Variants in AGBL1 observed in about 807,000 individuals in gnomAD.
AGBL1 encodes cytosolic carboxypeptidase 4.
Under a neutral mutation model 118.9 loss-of-function variants are expected in AGBL1, and 130 were observed. The observed-to-expected ratio is 1.09, with a 90% CI of 0.95 to 1.26. AGBL1 has a LOEUF of 1.26. Among genes scored for constraint, AGBL1 ranks in the 50% most tolerant of loss-of-function variants. The pLI is 0.00. For missense variants in AGBL1, 1,584 were observed against 1,298.1 expected (o/e 1.22, Z -3.38); for synonymous variants, 555 against 478.9 (o/e 1.16, Z -2.08).
At chr15:86,113,201 T>A (rs1445113308) in intron 1 of AGBL1, among the ~76,000 whole-genome samples, 1 of 146,438 alleles carries the variant, frequency 6.8e-6, no homozygotes, top group Non-Finnish European at 1.5e-5. Context: ...CCTCTTTATT[T>A]TTTCTTTTTC....
chr15:86,681,739 A>G (rs1360163092), intron 22 of AGBL1, among the ~76,000 whole-genome samples: 1 of 152,168 alleles, frequency 6.6e-6, no homozygotes. Flanking sequence ...TTTAATAGAA[A>G]GTAACGTGAT....
intron 18 of AGBL1, among the ~76,000 whole-genome samples, chr15:86,493,190 C>T (rs2082805765): frequency 6.6e-6 from 1 of 151,486 alleles, no homozygotes; most frequent in Non-Finnish European, 1.5e-5. Flanking sequence ...GAGACTCTGC[C>T]TCAGAAACAA....
intron 17 of AGBL1, among the ~76,000 whole-genome samples, chr15:86,349,287 C>G (rs2080587968): frequency 1.3e-5 from 2 of 152,166 alleles, no homozygotes; most frequent in African/African-American, 4.8e-5. Context: ...AATTAATACG[C>G]TGGGAATGGT....
intron 17 of AGBL1, among the ~76,000 whole-genome samples, chr15:86,322,311 A>G (rs886224075): frequency 2.6e-5 from 4 of 151,460 alleles, no homozygotes; most frequent in Admixed American, 2.0e-4. Flanking sequence ...GTTTTTCTTT[A>G]CCTATTTTGA....
chr15:86,093,797 C>T (rs1048036843), intron 1 of AGBL1, among the ~76,000 whole-genome samples: 1 of 152,118 alleles, frequency 6.6e-6, no homozygotes, highest in Non-Finnish European at 1.5e-5. Context: ...GTTGGACATA[C>T]ATTTAATTGG....
intron 17 of AGBL1, among the ~76,000 whole-genome samples, chr15:86,391,355 C>A (rs1043733063): frequency 1.3e-5 from 2 of 152,090 alleles, no homozygotes; most frequent in Admixed American, 6.5e-5. Context: ...GAAAACGTAG[C>A]ATGTGTCTTA....
intron 5 of AGBL1, among the ~76,000 whole-genome samples, chr15:86,224,509 C>T (rs1779665291): frequency 6.6e-6 from 1 of 152,098 alleles, no homozygotes; most frequent in Non-Finnish European, 1.5e-5. Flanking sequence ...ATTCACTAAG[C>T]CCCCAAGCCC....
chr15:86,922,698 G>A (rs942058370), intron 23 of AGBL1, among the ~76,000 whole-genome samples: 2 of 152,082 alleles, frequency 1.3e-5, no homozygotes, highest in Non-Finnish European at 2.9e-5. Flanking sequence ...AGAATATCAA[G>A]TATGATCAAG....
intron 18 of AGBL1, among the ~76,000 whole-genome samples, chr15:86,468,861 G>A (rs543970808): frequency 2.0e-5 from 3 of 152,264 alleles, no homozygotes; most frequent in African/African-American, 7.2e-5. Flanking sequence ...AAGGGGAATA[G>A]ACATTTTTGC....
intron 5 of AGBL1, among the ~76,000 whole-genome samples, chr15:86,197,773 C>T (rs531609047): frequency 1.3e-5 from 2 of 151,870 alleles, no homozygotes; most frequent in Non-Finnish European, 2.9e-5. Context: ...ATTATATGGG[C>T]AGAAAACAGC....
At chr15:86,492,670 T>C (rs1345623495) in intron 18 of AGBL1, among the ~76,000 whole-genome samples, 1 of 150,000 alleles carries the variant, frequency 6.7e-6, no homozygotes, top group Non-Finnish European at 1.5e-5. Flanking sequence ...ATAAAAGAAA[T>C]AGGAAACCAT....
downstream of AGBL1, among the ~76,000 whole-genome samples, chr15:86,916,337 AT>A (rs77265683): frequency 1.2e-4 from 19 of 152,172 alleles, no homozygotes; most frequent in Middle Eastern, 3.4e-3. Flanking sequence ...TTTTTTTTAA[AT>A]TTTTTAAAGA....
intron 18 of AGBL1, among the ~76,000 whole-genome samples, chr15:86,490,834 C>G (rs1165111742): frequency 0.032 from 5 of 158 alleles, no homozygotes; most frequent in Non-Finnish European, 0.061. Context: ...CCAGCCACAT[C>G]TCCCACCACT....
At chr15:86,257,828 G>A (rs1272416740) in intron 8 of AGBL1, 136 bp from the exon 9 acceptor site, 7 of 759,188 alleles carry the variant, frequency 9.2e-6, no homozygotes, top group Non-Finnish European at 1.5e-5. Context: ...TGTGTGTGGT[G>A]GGATATTGTG....
At chr15:86,354,042 G>A (rs528268962) in intron 17 of AGBL1, among the ~76,000 whole-genome samples, 9 of 152,282 alleles carry the variant, frequency 5.9e-5, no homozygotes, top group Non-Finnish European at 5.9e-5. Flanking sequence ...CTAATGAGGC[G>A]GGTGATTTGC....
intron 21 of AGBL1, among the ~76,000 whole-genome samples, chr15:86,557,410 A>G (rs1474412800): frequency 6.6e-6 from 1 of 152,152 alleles, no homozygotes; most frequent in African/African-American, 2.4e-5. Context: ...GCTTAGGAGG[A>G]GGATGTGAGT....
chr15:86,098,907 G>C (rs956823691), intron 1 of AGBL1, among the ~76,000 whole-genome samples: 4 of 152,018 alleles, frequency 2.6e-5, no homozygotes, highest in African/African-American at 9.7e-5. Context: ...TGGGTAGTAT[G>C]GTTGTTTTAA....
rs2079048531 is a variant in AGBL1, at chr15:86,264,844, G to A, written c.1667+6G>A. 3 of 1,573,324 alleles carry A rather than the reference G, an allele frequency of 1.9e-6. No homozygotes were observed. Among genetic ancestry groups the A allele is most frequent in the Admixed American group, 2.0e-5 (1 of 49,742 alleles). Reference sequence around the variant, plus strand: ...CGAAAATGTGGAGTCCAAAGGTGATGGCGCTACTGACTTGGGAGCTCTTTT... The same window carrying A: ...CGAAAATGTGGAGTCCAAAGGTGATAGCGCTACTGACTTGGGAGCTCTTTT... On this transcript the variant is annotated splice_donor_region_variant and intron_variant, in intron 11 of 22. Coordinates refer to ENST00000614907, the MANE Select transcript of AGBL1 (RefSeq NM_001386094.1).
chr15:86,748,834 A>C (rs2077800886), intron 22 of AGBL1, among the ~76,000 whole-genome samples: 5 of 151,906 alleles, frequency 3.3e-5, no homozygotes, highest in Admixed American at 3.3e-4. Context: ...GTGTGGTATT[A>C]TTCCTGAGGG....
Sources: allele counts gnomAD v4.1 joint callset (sites outside exome capture counted in the v4.1 genomes callset), GRCh38; gene constraint gnomAD v4.1.1; transcripts MANE v1.5; gene names NCBI Gene and HGNC (gene_info 2026-07-23, HGNC 2026-07-21).